GRM7: variants seen among roughly 807,000 people sequenced by gnomAD.
The protein encoded by GRM7 is metabotropic glutamate receptor 7.
In GRM7, 35 loss-of-function variants were observed where a neutral mutation model predicts 84.5. That is an observed-to-expected ratio of 0.41 (90% CI 0.32 to 0.55). GRM7 has a LOEUF of 0.55. GRM7 is among the 20% of genes least tolerant of loss of function. GRM7 has a pLI of 0.19. For missense variants in GRM7, 1,003 were observed against 1,194.6 expected (o/e 0.84, Z 2.36); for synonymous variants, 487 against 455.1 (o/e 1.07, Z -0.89).
intron 1 of GRM7, among the ~76,000 whole-genome samples, chr3:6,981,022 A>C (rs1694178765): frequency 6.6e-6 from 1 of 152,168 alleles, no homozygotes; most frequent in Non-Finnish European, 1.5e-5. Context: ...TTGAGGAAGA[A>C]CCAAGGTAGA....
In GRM7 at chr3:7,556,734, T is replaced by C. The variant is rs151162978; in HGVS notation, c.1516-21688T>C. On this transcript the variant is annotated intron_variant, in intron 7 of 9. Coordinates refer to ENST00000357716, the MANE Select transcript of GRM7 (RefSeq NM_000844.4). ...GCATCATTGACATCATTGACAATCATTGACAATGAGACTCCATTTTAAGGG... is the reference window on the plus strand; with the variant it reads ...GCATCATTGACATCATTGACAATCACTGACAATGAGACTCCATTTTAAGGG... 6.5e-3 allele frequency among the ~76,000 whole-genome samples: 996 copies of C among 152,248 alleles called. 9 individuals carry two copies. Among genetic ancestry groups the C allele is most frequent in the African/African-American group, 0.022 (925 of 41,542 alleles).
Position 7,724,464 on chromosome 3 carries a change from A to G in GRM7, c.2699-15893A>G, listed in dbSNP as rs984816976. Among the ~76,000 whole-genome samples, 25 of 152,196 alleles carry G rather than the reference A, an allele frequency of 1.6e-4. 1 individual carries two copies. The highest frequency in any genetic ancestry group is 3.5e-4 in the Non-Finnish European group (24 of 68,042). On this transcript the variant is annotated intron_variant, in intron 9 of 9. Transcript: ENST00000357716. ...TCAATAAGTTTAGATACTCTTCATT[A>G]TTCCCTGCAATAAATAACTACTTTT...
At chr3:7,253,867 A>C (rs1698101360) in intron 2 of GRM7, among the ~76,000 whole-genome samples, 1 of 152,116 alleles carries the variant, frequency 6.6e-6, no homozygotes, top group African/African-American at 2.4e-5. Context: ...GCATCATTTC[A>C]GAGTCAATTG....
chr3:7,186,838 G>A (rs1385855003), intron 2 of GRM7, among the ~76,000 whole-genome samples: 1 of 152,132 alleles, frequency 6.6e-6, no homozygotes. Context: ...AAGTTCTCTT[G>A]GGGCTAGTAC....
intron 4 of GRM7, among the ~76,000 whole-genome samples, chr3:7,313,508 A>G (rs1265239167): frequency 2.0e-5 from 3 of 152,180 alleles, no homozygotes; most frequent in African/African-American, 7.2e-5. Flanking sequence ...TTAATAAAAT[A>G]CCTTTCTTAT....
chr3:7,192,764 G>A (rs1200808127), intron 2 of GRM7, among the ~76,000 whole-genome samples: 2 of 152,024 alleles, frequency 1.3e-5, no homozygotes, highest in African/African-American at 4.8e-5. Context: ...TTTCTTCACA[G>A]CCAGATTCCT....
At chr3:7,637,258 G>T (rs1261855203) in intron 8 of GRM7, among the ~76,000 whole-genome samples, 1 of 152,132 alleles carries the variant, frequency 6.6e-6, no homozygotes, top group African/African-American at 2.4e-5. Flanking sequence ...ATCCTCCCTT[G>T]TTGGCCTCAC....
chr3:7,288,887 A>G (rs1699522183), intron 2 of GRM7, among the ~76,000 whole-genome samples: 2 of 152,112 alleles, frequency 1.3e-5, no homozygotes, highest in South Asian at 4.1e-4. Context: ...CTGCTCTAAA[A>G]TCCCACTGAT....
chr3:7,568,388 A>AAG, intron 7 of GRM7, among the ~76,000 whole-genome samples: 1 of 152,348 alleles, frequency 6.6e-6, no homozygotes, highest in East Asian at 1.9e-4. Flanking sequence ...CAAAAGGTGA[A>AAG]AGGCAAGGAA....
At chr3:6,963,431 T>C (rs1399556953) in intron 1 of GRM7, among the ~76,000 whole-genome samples, 2 of 152,180 alleles carry the variant, frequency 1.3e-5, no homozygotes, top group African/African-American at 4.8e-5. Flanking sequence ...AATATATCTC[T>C]GCTCATGATG....
chr3:7,230,976 A>G (rs553207682), intron 2 of GRM7, among the ~76,000 whole-genome samples: 142 of 152,268 alleles, frequency 9.3e-4, no homozygotes, highest in African/African-American at 3.2e-3. Context: ...CCATCCAGCC[A>G]CTTCTTCACA....
intron 7 of GRM7, among the ~76,000 whole-genome samples, chr3:7,576,658 A>G (rs1316261913): frequency 6.6e-6 from 1 of 152,182 alleles, no homozygotes; most frequent in Admixed American, 6.5e-5. Context: ...CAGACTTTCC[A>G]GTATCTTTCT....
chr3:7,298,639 C>G lies in GRM7; in HGVS notation c.737-45C>G, dbSNP rs374646134. 149 of 1,564,494 alleles carry G rather than the reference C, an allele frequency of 9.5e-5. No homozygotes were observed. In the African/African-American group the frequency reaches 1.5e-3, roughly 16 times the overall value. On this transcript the variant is annotated intron_variant, in intron 2 of 9. Coordinates refer to ENST00000357716, the MANE Select transcript of GRM7 (RefSeq NM_000844.4). ...CTACCTTCCTTGGCTCCTTTGACAT[C>G]TCTGTGGAAACATTATTGACACTAT...
intron 1 of GRM7, among the ~76,000 whole-genome samples, chr3:7,022,613 G>A (rs977576005): frequency 1.3e-5 from 2 of 151,964 alleles, no homozygotes; most frequent in African/African-American, 4.8e-5. Context: ...ATTAATATGT[G>A]CATCCTTATA....
intron 2 of GRM7, among the ~76,000 whole-genome samples, chr3:7,235,704 T>C (rs1361281261): frequency 1.3e-5 from 2 of 152,212 alleles, no homozygotes; most frequent in Non-Finnish European, 1.5e-5. Context: ...TACATCTTAT[T>C]TTTGAGCTGC....
chr3:7,029,301 C>CA (rs57622634), intron 1 of GRM7, among the ~76,000 whole-genome samples: 2,543 of 54,858 alleles, frequency 0.046, 51 homozygotes, highest in East Asian at 0.072. Flanking sequence ...GACTCTGCCT[C>CA]AAAAAAAAAA....
chr3:7,333,464 A>G (rs1381647380), intron 4 of GRM7, among the ~76,000 whole-genome samples: 1 of 152,220 alleles, frequency 6.6e-6, no homozygotes, highest in Non-Finnish European at 1.5e-5. Context: ...GGATCGCCCC[A>G]TGGGGCAAAA....
intron 2 of GRM7, among the ~76,000 whole-genome samples, chr3:7,222,156 G>A (rs1341523950): frequency 6.6e-6 from 1 of 152,152 alleles, no homozygotes; most frequent in East Asian, 1.9e-4. Context: ...TTCCTTGAAA[G>A]TATATTTGTG....
intron 4 of GRM7, among the ~76,000 whole-genome samples, chr3:7,364,490 A>G (rs1559268312): frequency 6.6e-6 from 1 of 151,680 alleles, no homozygotes; most frequent in Non-Finnish European, 1.5e-5. Context: ...AAAAATTGAC[A>G]TATTTGTATT....
Sources: gnomAD v4.1 joint callset for allele counts (sites outside exome capture counted in the v4.1 genomes callset) on GRCh38, gnomAD v4.1.1 for gene constraint, MANE v1.5 for transcripts, NCBI Gene and HGNC (gene_info 2026-07-23, HGNC 2026-07-21) for gene names.